The following ADAMTSL3 variants were observed in gnomAD, a reference collection of about 807,000 sequenced individuals.
ADAMTSL3 encodes ADAMTS-like protein 3.
ADAMTSL3 carries 128 observed loss-of-function variants against 201.7 expected under a neutral mutation model. The ratio of observed to expected loss-of-function variants is 0.63; its 90% CI spans 0.55 to 0.73. ADAMTSL3 has a LOEUF of 0.73. ADAMTSL3 is among the 30% of genes least tolerant of loss of function. The probability of loss-of-function intolerance (pLI) is 0.00; values close to 1 mark genes in which losing one functional copy is unlikely to be tolerated. For synonymous variants in ADAMTSL3, 738 were observed against 748.4 expected (o/e 0.99, Z 0.23); for missense variants, 1,990 against 2,119.6 (o/e 0.94, Z 1.20).
At chr15:83,782,606 G>A (rs137964075) in intron 4 of ADAMTSL3, among the ~76,000 whole-genome samples, 1 of 152,226 alleles carries the variant, frequency 6.6e-6, no homozygotes, top group African/African-American at 2.4e-5. Context: ...ATTATCTTTA[G>A]CAAACCAATG....
Position 83,817,598 on chromosome 15 carries a change from CAA to C in ADAMTSL3, c.364-2211_364-2210del, listed in dbSNP as rs1406833373. ...GGGAAAATATTTCCAACAGAAATGA[CAA>C]AGAGTTGATAATTTCACTATGAAGT... On this transcript the variant is annotated intron_variant, in intron 5 of 29. Coordinates refer to ENST00000286744, the MANE Select transcript of ADAMTSL3 (RefSeq NM_207517.3). 6.6e-5 allele frequency among the ~76,000 whole-genome samples: 10 copies of C among 152,114 alleles called. No individual in the cohort carries two copies. The East Asian group carries it at 1.5e-3, about 23-fold the overall frequency.
chr15:83,787,789 C>A (rs1481641373), intron 4 of ADAMTSL3, among the ~76,000 whole-genome samples: 1 of 152,080 alleles, frequency 6.6e-6, no homozygotes, highest in African/African-American at 2.4e-5. Flanking sequence ...TTTTTCACAC[C>A]TCCTGCTCCT....
chr15:83,786,339 A>G (rs1378495593), intron 4 of ADAMTSL3, among the ~76,000 whole-genome samples: 1 of 152,160 alleles, frequency 6.6e-6, no homozygotes, highest in Admixed American at 6.5e-5. Context: ...ATGGGTACAT[A>G]GGTGTATATA....
At position 83,769,885 on chromosome 15, in the gene ADAMTSL3, TCA is replaced by T. The variant is rs761944057; in HGVS notation, c.190-3635_190-3634del. Among the ~76,000 whole-genome samples the T allele has an allele frequency of 2.0e-5, 3 of 152,192 alleles. No homozygotes were observed. The South Asian group carries it at 6.2e-4, about 32-fold the overall frequency. On this transcript the variant is annotated intron_variant, in intron 3 of 29. Coordinates refer to ENST00000286744, the MANE Select transcript of ADAMTSL3 (RefSeq NM_207517.3). ...TCACATGCTGCAGTTTATTAGTATG[TCA>T]CAGTTTCTTTCATAAACTTTGCTGT...
At chr15:83,877,147 C>A (rs1358328191) in intron 9 of ADAMTSL3, among the ~76,000 whole-genome samples, 1 of 152,082 alleles carries the variant, frequency 6.6e-6, no homozygotes, top group African/African-American at 2.4e-5. Context: ...GCTGTGTTGC[C>A]CAGGCTGGTC....
intron 20 of ADAMTSL3, among the ~76,000 whole-genome samples, chr15:83,977,164 C>T (rs771063825): frequency 2.0e-5 from 3 of 152,084 alleles, no homozygotes; most frequent in Non-Finnish European, 2.9e-5. Flanking sequence ...ACTGCGCATG[C>T]GAGGGATCTA....
At chr15:83,869,028 A>G (rs1309615291) in intron 8 of ADAMTSL3, among the ~76,000 whole-genome samples, 1 of 152,178 alleles carries the variant, frequency 6.6e-6, no homozygotes, top group Non-Finnish European at 1.5e-5. Flanking sequence ...GAAGGTTAGC[A>G]CAATGGTAAA....
chr15:83,921,168 G>A (rs1526080), intron 16 of ADAMTSL3, among the ~76,000 whole-genome samples: 95,345 of 151,996 alleles, frequency 0.63, 30,994 homozygotes, highest in African/African-American at 0.79. Context: ...ACAAATTCTA[G>A]TGTGTGGAGT....
intron 2 of ADAMTSL3, among the ~76,000 whole-genome samples, chr15:83,676,989 T>C (rs1189944599): frequency 6.6e-6 from 1 of 152,234 alleles, no homozygotes; most frequent in Non-Finnish European, 1.5e-5. Flanking sequence ...TGTTAAAGCA[T>C]CCCAAATGGA....
At position 84,025,234 on chromosome 15, in the gene ADAMTSL3, C is replaced by G. The variant is rs1358367637; in HGVS notation, c.4458-4C>G. ...TACTAAAGTCCTGTAGTTTTTGTTC[C>G]TAGGTGGTTCACAAGTGTGTGGTCA... On this transcript the variant is annotated splice_region_variant and splice_polypyrimidine_tract_variant and intron_variant, in intron 26 of 29. Coordinates refer to ENST00000286744, the MANE Select transcript of ADAMTSL3 (RefSeq NM_207517.3). 1 of 1,590,188 alleles carries G rather than the reference C, an allele frequency of 6.3e-7. No individual in the cohort carries two copies. The highest frequency in any genetic ancestry group is 1.8e-5 in the Admixed American group (1 of 56,288).
chr15:83,926,306 G>C (rs983880635), intron 17 of ADAMTSL3, among the ~76,000 whole-genome samples: 2 of 152,180 alleles, frequency 1.3e-5, no homozygotes, highest in African/African-American at 4.8e-5. Context: ...CATCAGATGA[G>C]ATAGGAATGG....
chr15:83,680,510 G>GTT (rs1380862050), intron 2 of ADAMTSL3, among the ~76,000 whole-genome samples: 1 of 114,370 alleles, frequency 8.7e-6, no homozygotes, highest in East Asian at 2.6e-4. Context: ...CACCTTAGTT[G>GTT]TTGTTTTTTT....
chr15:84,036,987 A>AT lies in ADAMTSL3; in HGVS notation c.4969_4969+1insT (p.Arg1657MetfsTer17), dbSNP rs2068523204. The AT allele has an allele frequency of 6.2e-7, 1 of 1,613,738 alleles. No individual in the cohort carries two copies. The highest frequency in any genetic ancestry group is 1.1e-5 in the South Asian group (1 of 91,022). On this transcript the variant is annotated frameshift_variant and splice_region_variant. Transcript: ENST00000286744. LOFTEE classifies it high-confidence loss of function. ...GCACTGTCTTGGGCCCTCCTGTGAT[A>AT]GTACGTACACCTCCCAGGTATCTCC...
intron 13 of ADAMTSL3, among the ~76,000 whole-genome samples, chr15:83,894,864 TA>T (rs777751741): frequency 6.6e-5 from 10 of 152,208 alleles, no homozygotes; most frequent in Non-Finnish European, 1.3e-4. Flanking sequence ...GAATAACACA[TA>T]AAAATTACAT....
chr15:83,757,108 G>T (rs545401415), intron 3 of ADAMTSL3, among the ~76,000 whole-genome samples: 3 of 152,326 alleles, frequency 2.0e-5, no homozygotes, highest in African/African-American at 7.2e-5. Context: ...CCATTCTGGG[G>T]TCTGGAAGAA....
intron 16 of ADAMTSL3, among the ~76,000 whole-genome samples, chr15:83,919,360 C>T (rs965096069): frequency 3.3e-5 from 5 of 151,938 alleles, no homozygotes; most frequent in African/African-American, 9.7e-5. Context: ...AAGAGATCAG[C>T]GAGATATGAT....
At chr15:84,002,279 T>TA (rs1208128028) in intron 23 of ADAMTSL3, among the ~76,000 whole-genome samples, 1 of 152,214 alleles carries the variant, frequency 6.6e-6, no homozygotes, top group Non-Finnish European at 1.5e-5. Context: ...TGCTTTGGCT[T>TA]ATGGGTCTAC....
At chr15:83,824,902 G>A (rs1286305904) in intron 6 of ADAMTSL3, 2 of 151,878 alleles carry the variant, frequency 1.3e-5, no homozygotes, top group Non-Finnish European at 2.9e-5. Context: ...TGTCATCTTG[G>A]CGCAGGGGCC....
chr15:83,840,454 C>A (rs1039924686), intron 7 of ADAMTSL3, among the ~76,000 whole-genome samples: 70 of 152,246 alleles, frequency 4.6e-4, no homozygotes, highest in African/African-American at 1.7e-3. Context: ...TTGCTCAGGA[C>A]AAGAGGAGGG....
Sources: gnomAD v4.1 joint callset for allele counts (sites outside exome capture counted in the v4.1 genomes callset) on GRCh38, gnomAD v4.1.1 for gene constraint, MANE v1.5 for transcripts, NCBI Gene and HGNC (gene_info 2026-07-23, HGNC 2026-07-21) for gene names.